Variants in EVC2 observed in about 807,000 individuals in gnomAD.
EVC2 encodes EvC ciliary complex subunit 2.
Under a neutral mutation model 149.3 loss-of-function variants are expected in EVC2, and 148 were observed. The observed-to-expected ratio is 0.99, with a 90% CI of 0.87 to 1.14. EVC2 has a LOEUF of 1.14. Among genes scored for constraint, EVC2 ranks in the 50% most tolerant of loss-of-function variants. The pLI is 0.00. For missense variants in EVC2, 1,854 were observed against 1,627.3 expected, an observed-to-expected ratio of 1.14 and a Z score of -2.40; for synonymous variants, 776 against 649.9, an observed-to-expected ratio of 1.19 and a Z score of -2.95.
chr4:5,540,556 G>T (rs111423174), downstream of EVC2, among the ~76,000 whole-genome samples: 1,119 of 152,310 alleles, frequency 7.3e-3, 12 homozygotes, highest in Admixed American at 0.011. Context: ...AGTGAAAGAA[G>T]TCAGAGTATA....
In EVC2 at chr4:5,567,952, C is replaced by T. The variant is rs1301544011; in HGVS notation, c.3557+492G>A. ...AGCGTTAAAAGGTAAGGAGCAAAAT[C>T]GCTTCTGCTGTAAGATTCTGAAATG... On this transcript the variant is annotated intron_variant, in intron 20 of 21. Coordinates refer to ENST00000344408, the MANE Select transcript of EVC2 (RefSeq NM_147127.5). This position sits in a 1 kb window ranked among gnomAD's most constrained non-coding sequence, Gnocchi z 4.4. 6.6e-6 allele frequency among the ~76,000 whole-genome samples: 1 copy of T among 152,228 alleles called. No homozygotes were observed.
chr4:5,625,335 CACACACACACACAA>C lies in EVC2; in HGVS notation c.2046+400_2046+413del, dbSNP rs1430835579. ...ACACACACACACACACACACACACA[CACACACACACACAA>C]ACCCAGTGGTATCTCCCTCATAGGG... On this transcript the variant is annotated intron_variant, in intron 13 of 21. Coordinates refer to ENST00000344408, the MANE Select transcript of EVC2 (RefSeq NM_147127.5). The surrounding 1 kb of genome is among the most constrained non-coding windows in gnomAD (Gnocchi z 4.0). Among the ~76,000 whole-genome samples the C allele has an allele frequency of 1.3e-5, 2 of 151,456 alleles. No individual in the cohort carries two copies. Among genetic ancestry groups the C allele is most frequent in the Non-Finnish European group, 2.9e-5 (2 of 67,994 alleles).
At chr4:5,550,532 T>C (rs971889834) in intron 21 of EVC2, among the ~76,000 whole-genome samples, 1 of 152,222 alleles carries the variant, frequency 6.6e-6, no homozygotes, top group African/African-American at 2.4e-5. Context: ...ACTTGCGTGC[T>C]GTTAAAGGCA....
intron 16 of EVC2, among the ~76,000 whole-genome samples, chr4:5,612,699 G>A (rs1714927556): frequency 1.3e-5 from 2 of 152,104 alleles, no homozygotes; most frequent in Non-Finnish European, 2.9e-5. Flanking sequence ...GAGGCGGGCG[G>A]ATCACGAGGT....
Position 5,708,471 on chromosome 4 carries a change from C to A in EVC2, c.43G>T (p.Ala15Ser), listed in dbSNP as rs1201835632. The A allele has an allele frequency of 6.7e-7, 1 of 1,502,278 alleles. No homozygotes were observed. The highest frequency in any genetic ancestry group is 1.4e-5 in the African/African-American group (1 of 68,970). The allele number at this position is 1,502,278 out of a possible 1,614,324, so 93.1% of individuals were successfully genotyped here. Reference protein sequence around the residue: ...GSRGRPTWVLAGGLLAVALAL... With the variant: ...GSRGRPTWVLSGGLLAVALAL... Reference sequence around the variant, plus strand: ...AGGGCCACTGCCAGGAGACCCCCGGCCAGCACCCACGTGGGGCGCCCCCGG... The same window carrying A: ...AGGGCCACTGCCAGGAGACCCCCGGACAGCACCCACGTGGGGCGCCCCCGG... The change falls in exon 1 of 22, where the codon GCC (alanine) becomes TCC (serine). Residue 15 changes from alanine (A) to serine (S), a missense_variant. By Grantham distance (99) the Ala-to-Ser change is moderately conservative. Coordinates refer to ENST00000344408, the MANE Select transcript of EVC2 (RefSeq NM_147127.5).
chr4:5,548,573 G>C (rs947615149), intron 21 of EVC2, among the ~76,000 whole-genome samples: 13 of 151,944 alleles, frequency 8.6e-5, no homozygotes, highest in African/African-American at 3.1e-4. Context: ...GAGAGTGTCT[G>C]CAGAAAATTT....
chr4:5,629,815 G>C (rs1716395212), intron 11 of EVC2, among the ~76,000 whole-genome samples: 1 of 152,204 alleles, frequency 6.6e-6, no homozygotes. Context: ...CCACCTAGCG[G>C]GATCCATGCA....
intron 1 of EVC2, among the ~76,000 whole-genome samples, chr4:5,704,263 G>C (rs772782823): frequency 3.4e-4 from 51 of 152,194 alleles, no homozygotes; most frequent in Non-Finnish European, 6.0e-4. Context: ...AGTGAAAACT[G>C]TGTTGATTGT....
chr4:5,662,898 G>C (rs1718993725), intron 9 of EVC2, among the ~76,000 whole-genome samples: 1 of 151,654 alleles, frequency 6.6e-6, no homozygotes, highest in Non-Finnish European at 1.5e-5. Context: ...TTTCCTACTA[G>C]ATCAGACTTC....
chr4:5,534,022 C>T, the EVC2 span, among the ~76,000 whole-genome samples: 1 of 152,100 alleles, frequency 6.6e-6, no homozygotes, highest in Non-Finnish European at 1.5e-5. Context: ...GTCTCATAGG[C>T]TCTGGTAAGG....
chr4:5,693,552 G>C (rs533219142), intron 3 of EVC2, among the ~76,000 whole-genome samples: 4 of 152,234 alleles, frequency 2.6e-5, no homozygotes, highest in Admixed American at 1.3e-4. Flanking sequence ...AGCCTGCAGA[G>C]GGAGCGTGGC....
intron 4 of EVC2, among the ~76,000 whole-genome samples, chr4:5,690,448 C>T (rs1721042856): frequency 6.6e-6 from 1 of 151,162 alleles, no homozygotes; most frequent in Non-Finnish European, 1.5e-5. Context: ...TTTGACCTCA[C>T]CAGATAGCTG....
chr4:5,546,383 C>T (rs1721623073), intron 21 of EVC2, among the ~76,000 whole-genome samples: 1 of 152,058 alleles, frequency 6.6e-6, no homozygotes, highest in African/African-American at 2.4e-5. Context: ...ACTATGCAGC[C>T]ATAAAAAAAT....
At position 5,618,700 on chromosome 4, in the gene EVC2, G is replaced by C; in HGVS notation, c.2502-18C>G. On this transcript the variant is annotated intron_variant, in intron 14 of 21. Coordinates refer to ENST00000344408, the MANE Select transcript of EVC2 (RefSeq NM_147127.5). This position sits in a 1 kb window ranked among gnomAD's most constrained non-coding sequence, Gnocchi z 4.4. ...AGAGCTTCCTGGGAGGAAGAACAGA[G>C]ACACACTCTTAACACAGAGAAAGCC... 6.4e-7 allele frequency: 1 copy of C among 1,572,504 alleles called. No homozygotes were observed. Among genetic ancestry groups the C allele is most frequent in the Non-Finnish European group, 8.6e-7 (1 of 1,158,132 alleles).
rs1389446992 is a variant in EVC2 at position 5,631,970 on chromosome 4, C to T, written c.1533G>A (p.Arg511=). The T allele has an allele frequency of 6.2e-7, 1 of 1,614,238 alleles. No homozygotes were observed. Among genetic ancestry groups the T allele is most frequent in the African/African-American group, 1.3e-5 (1 of 75,060 alleles). Residue 511 remains arginine (R), a synonymous_variant, in exon 11 of 22, where the codon AGG becomes AGA. Coordinates refer to ENST00000344408, the MANE Select transcript of EVC2 (RefSeq NM_147127.5). The stretch of plus-strand genomic sequence containing the variant: ...CTTCTTGTTGCAAAGCGAGAGACTT[C>T]CTCAAGTGCTCCTGTTCCAGGCCAT... ...TLHGLEQEHL[R]KSLALQQEED...
intron 3 of EVC2, 64 bp downstream of exon 3, chr4:5,694,271 A>G: frequency 6.4e-7 from 1 of 1,562,072 alleles, no homozygotes; most frequent in Admixed American, 1.7e-5. Flanking sequence ...TTTTATATAC[A>G]GGCCATAATT....
chr4:5,697,076 G>C (rs1370220516), intron 2 of EVC2, among the ~76,000 whole-genome samples: 1 of 152,186 alleles, frequency 6.6e-6, no homozygotes, highest in Non-Finnish European at 1.5e-5. Context: ...AATGGAGGAG[G>C]GCAGTATCCC....
At chr4:5,688,165 CACT>C (rs1720848084) in intron 5 of EVC2, among the ~76,000 whole-genome samples, 1 of 152,146 alleles carries the variant, frequency 6.6e-6, no homozygotes, top group Admixed American at 6.6e-5. Flanking sequence ...GCAAAAAGGT[CACT>C]ACTTGTGGGC....
chr4:5,597,731 G>A (rs1485609515), intron 16 of EVC2, among the ~76,000 whole-genome samples: 1 of 140,694 alleles, frequency 7.1e-6, no homozygotes, highest in Non-Finnish European at 1.5e-5. Context: ...AATTAGGCAG[G>A]AGAAGGAAAT....
Sources: gnomAD v4.1 joint callset for allele counts (sites outside exome capture counted in the v4.1 genomes callset) on GRCh38, gnomAD v4.1.1 for gene constraint, Gnocchi (gnomAD v3.1) non-coding constraint, MANE v1.5 for transcripts, NCBI Gene and HGNC (gene_info 2026-07-23, HGNC 2026-07-21) for gene names.